DRC11: variants seen among roughly 807,000 people sequenced by gnomAD.
The protein encoded by DRC11 is IQ and AAA domain-containing protein 1.
chr2:236,466,832 T>C, the DRC11 span, among the ~76,000 whole-genome samples: 7 of 152,222 alleles, frequency 4.6e-5, no homozygotes, highest in Non-Finnish European at 8.8e-5. Context: ...ATCCAAACCA[T>C]ATAACCCTTT....
At chr2:236,328,789 G>A in the DRC11 span, among the ~76,000 whole-genome samples, 1 of 152,186 alleles carries the variant, frequency 6.6e-6, no homozygotes, top group Non-Finnish European at 1.5e-5. This position sits in a 1 kb window ranked among gnomAD's most constrained non-coding sequence, Gnocchi z 6.7. Flanking sequence ...GGAAAGGTAT[G>A]AATTTCAGCT....
At chr2:236,319,766 AG>A in the DRC11 span, among the ~76,000 whole-genome samples, 1 of 152,340 alleles carries the variant, frequency 6.6e-6, no homozygotes, top group Non-Finnish European at 1.5e-5. The surrounding 1 kb of genome is among the most constrained non-coding windows in gnomAD (Gnocchi z 6.7). Context: ...GCAGCTGTTA[AG>A]AAAAGCTAAA....
chr2:236,416,791 T>TAA, the DRC11 span, among the ~76,000 whole-genome samples: 1 of 127,838 alleles, frequency 7.8e-6, no homozygotes, highest in Admixed American at 8.3e-5. Context: ...GACAGAGTCT[T>TAA]ACTCTGTCAC....
the DRC11 span, chr2:236,392,366 G>A: frequency 4.9e-6 from 7 of 1,423,494 alleles, no homozygotes; most frequent in Non-Finnish European, 5.7e-6. The surrounding 1 kb of genome is among the most constrained non-coding windows in gnomAD (Gnocchi z 5.1). Flanking sequence ...CTCCAGAAGG[G>A]TAAAGAAAAA....
the DRC11 span, chr2:236,486,994 T>C: frequency 1.1e-6 from 1 of 873,782 alleles, no homozygotes; most frequent in Non-Finnish European, 1.8e-6. This position sits in a 1 kb window ranked among gnomAD's most constrained non-coding sequence, Gnocchi z 5.7. Flanking sequence ...CATCTCAAAA[T>C]GCCAACTAAT....
the DRC11 span, chr2:236,419,304 A>G: frequency 6.6e-7 from 1 of 1,516,476 alleles, no homozygotes; most frequent in African/African-American, 1.4e-5. This position sits in a 1 kb window ranked among gnomAD's most constrained non-coding sequence, Gnocchi z 4.8. Flanking sequence ...TACCATTTTC[A>G]TAGATCCCTA....
the DRC11 span, among the ~76,000 whole-genome samples, chr2:236,449,410 C>T: frequency 6.6e-6 from 1 of 152,218 alleles, no homozygotes; most frequent in Non-Finnish European, 1.5e-5. This position sits in a 1 kb window ranked among gnomAD's most constrained non-coding sequence, Gnocchi z 5.1. Context: ...CTCCGCAATA[C>T]TTTATTTTGT....
At chr2:236,486,748 A>T in the DRC11 span, 2 of 953,590 alleles carry the variant, frequency 2.1e-6, no homozygotes, top group Non-Finnish European at 3.2e-6. This position sits in a 1 kb window ranked among gnomAD's most constrained non-coding sequence, Gnocchi z 5.7. Context: ...TCTTCCCTCA[A>T]AAACTCTCAG....
the DRC11 span, among the ~76,000 whole-genome samples, chr2:236,476,236 T>G: frequency 6.6e-6 from 1 of 152,198 alleles, no homozygotes; most frequent in Non-Finnish European, 1.5e-5. The surrounding 1 kb of genome is among the most constrained non-coding windows in gnomAD (Gnocchi z 4.7). Context: ...TCCTCTCCAA[T>G]TTTTTCATCA....
chr2:236,383,212 T>C, the DRC11 span, among the ~76,000 whole-genome samples: 7 of 152,232 alleles, frequency 4.6e-5, no homozygotes, highest in Non-Finnish European at 1.0e-4. Flanking sequence ...TATCCATTTC[T>C]TCTAGGTTGT....
the DRC11 span, among the ~76,000 whole-genome samples, chr2:236,462,108 G>C: frequency 1.3e-5 from 2 of 152,114 alleles, no homozygotes; most frequent in African/African-American, 4.8e-5. The surrounding 1 kb of genome is among the most constrained non-coding windows in gnomAD (Gnocchi z 6.4). Context: ...ACTTCGAGGC[G>C]GTGCTCATCT....
the DRC11 span, among the ~76,000 whole-genome samples, chr2:236,421,605 A>C: frequency 6.6e-6 from 1 of 152,210 alleles, no homozygotes; most frequent in South Asian, 2.1e-4. Context: ...GCCCAGATGG[A>C]TTCACAGCTG....
chr2:236,445,265 C>A, the DRC11 span, among the ~76,000 whole-genome samples: 1 of 152,096 alleles, frequency 6.6e-6, no homozygotes, highest in Non-Finnish European at 1.5e-5. The surrounding 1 kb of genome is among the most constrained non-coding windows in gnomAD (Gnocchi z 4.8). Flanking sequence ...AACACATCGA[C>A]TGTCATACTA....
the DRC11 span, among the ~76,000 whole-genome samples, chr2:236,373,528 G>A: frequency 2.0e-5 from 3 of 152,136 alleles, no homozygotes; most frequent in Admixed American, 2.0e-4. Flanking sequence ...TGGAACTACA[G>A]GCATGAACCA....
the DRC11 span, among the ~76,000 whole-genome samples, chr2:236,493,086 C>A: frequency 6.6e-6 from 1 of 152,178 alleles, no homozygotes; most frequent in Non-Finnish European, 1.5e-5. Flanking sequence ...TTCCATGTGG[C>A]TAGGGAGGCC....
At chr2:236,380,750 T>C in the DRC11 span, 1 of 747,982 alleles carries the variant, frequency 1.3e-6, no homozygotes, top group Non-Finnish European at 2.3e-6. The surrounding 1 kb of genome is among the most constrained non-coding windows in gnomAD (Gnocchi z 4.9). Context: ...GAAAGTTAAT[T>C]GTGGTGGCGT....
At chr2:236,460,235 C>G in the DRC11 span, among the ~76,000 whole-genome samples, 4 of 152,164 alleles carry the variant, frequency 2.6e-5, no homozygotes, top group Non-Finnish European at 5.9e-5. This position sits in a 1 kb window ranked among gnomAD's most constrained non-coding sequence, Gnocchi z 4.0. Flanking sequence ...CCCACGAGGA[C>G]GACTCTAACT....
chr2:236,384,350 T>C, the DRC11 span, among the ~76,000 whole-genome samples: 1 of 152,028 alleles, frequency 6.6e-6, no homozygotes, highest in Non-Finnish European at 1.5e-5. Context: ...TTTTAATGAT[T>C]GCCATTCTAA....
the DRC11 span, chr2:236,497,510 G>T: frequency 3.9e-6 from 6 of 1,531,022 alleles, no homozygotes; most frequent in Non-Finnish European, 5.3e-6. The surrounding 1 kb of genome is among the most constrained non-coding windows in gnomAD (Gnocchi z 5.1). Flanking sequence ...AGAGAATTTA[G>T]ATGATACAGT....
Sources: allele counts gnomAD v4.1 joint callset (sites outside exome capture counted in the v4.1 genomes callset), GRCh38; gene constraint gnomAD v4.1.1; non-coding constraint Gnocchi (gnomAD v3.1); transcripts MANE v1.5; gene names NCBI Gene and HGNC (gene_info 2026-07-23, HGNC 2026-07-21).